Variants in PCDH11X observed in about 807,000 individuals in gnomAD.
PCDH11X encodes protocadherin-11 X-linked.
In PCDH11X, 18 loss-of-function variants were observed where a neutral mutation model predicts 53.3. The ratio of observed to expected loss-of-function variants is 0.34; its 90% CI spans 0.23 to 0.50. The LOEUF (loss-of-function observed/expected upper bound fraction) is 0.50, where lower values mean the gene tolerates loss of function less well. Among genes scored for constraint, PCDH11X ranks in the 20% least tolerant of loss-of-function variants. The pLI, the probability that PCDH11X is intolerant of heterozygous loss-of-function variation, is 0.98. For synonymous variants in PCDH11X, 279 were observed against 393.3 expected (o/e 0.71, Z 3.44); for missense variants, 570 against 1,032.4 (o/e 0.55, Z 6.14).
chrX:92,233,074 A>T (rs1017877621), intron 7 of PCDH11X, among the ~76,000 whole-genome samples: 7 of 110,895 alleles, frequency 6.3e-5, no homozygotes, highest in African/African-American at 2.3e-4. Flanking sequence ...ACCTGTCCTT[A>T]TCCATTGCTT....
chrX:92,566,612 T>C (rs1192189769), intron 10 of PCDH11X, among the ~76,000 whole-genome samples: 1 of 109,538 alleles, frequency 9.1e-6, no homozygotes, highest in African/African-American at 3.3e-5. Flanking sequence ...ATGATGAAAC[T>C]AATGCTTAAT....
intron 7 of PCDH11X, among the ~76,000 whole-genome samples, chrX:92,220,640 G>T (rs1603204739): frequency 9.0e-6 from 1 of 110,796 alleles, no homozygotes; most frequent in South Asian, 3.9e-4. Flanking sequence ...AGTCAGTGTG[G>T]CGATTCCTCA....
chrX:91,915,470 A>G (rs1941522251), intron 6 of PCDH11X, among the ~76,000 whole-genome samples: 2 of 110,957 alleles, frequency 1.8e-5, no homozygotes, highest in African/African-American at 6.6e-5. Context: ...GGACTCACAT[A>G]AACTTAAGGT....
At chrX:92,084,616 C>T (rs1189234820) in intron 6 of PCDH11X, among the ~76,000 whole-genome samples, 1 of 109,295 alleles carries the variant, frequency 9.1e-6, no homozygotes, top group Non-Finnish European at 1.9e-5. Flanking sequence ...AAATAATTTA[C>T]ACATAATATT....
chrX:92,192,399 G>A (rs1175436234), intron 6 of PCDH11X, among the ~76,000 whole-genome samples: 4 of 112,014 alleles, frequency 3.6e-5, no homozygotes, highest in African/African-American at 1.3e-4. Context: ...CTGCAGTGCA[G>A]TGGTGTGATC....
intron 6 of PCDH11X, among the ~76,000 whole-genome samples, chrX:91,950,699 A>G (rs1198390572): frequency 9.2e-6 from 1 of 108,145 alleles, no homozygotes; most frequent in East Asian, 2.9e-4. Flanking sequence ...GTGAATTGCA[A>G]AAGCACAAAA....
At chrX:92,463,202 A>G (rs2148658429) in intron 9 of PCDH11X, among the ~76,000 whole-genome samples, 1 of 111,202 alleles carries the variant, frequency 9.0e-6, no homozygotes, top group South Asian at 3.7e-4. Context: ...GCTAATTAGT[A>G]TTTTTCAATA....
intron 10 of PCDH11X, among the ~76,000 whole-genome samples, chrX:92,518,623 G>A (rs2148713628): frequency 9.0e-6 from 1 of 110,933 alleles, no homozygotes; most frequent in South Asian, 3.8e-4. Flanking sequence ...AGAATAATCA[G>A]GGCCTTCAGG....
chrX:91,854,591 T>A (rs771949437), intron 5 of PCDH11X, among the ~76,000 whole-genome samples: 1 of 112,418 alleles, frequency 8.9e-6, no homozygotes, highest in Non-Finnish European at 1.9e-5. Flanking sequence ...GTTCTCCAAG[T>A]GATTGTACTA....
At chrX:91,783,441 G>A (rs1734491124) in intron 1 of PCDH11X, among the ~76,000 whole-genome samples, 1 of 112,019 alleles carries the variant, frequency 8.9e-6, no homozygotes, top group Non-Finnish European at 1.9e-5. Flanking sequence ...AGGGATTGCA[G>A]GTTTCACATT....
intron 9 of PCDH11X, chrX:92,460,429 G>C: frequency 1.2e-6 from 1 of 828,218 alleles, no homozygotes; most frequent in Non-Finnish European, 1.8e-6. Context: ...GGCCCAATAT[G>C]ACGACCTGGC....
intron 7 of PCDH11X, among the ~76,000 whole-genome samples, chrX:92,207,834 C>T (rs1352718723): frequency 9.0e-6 from 1 of 111,404 alleles, no homozygotes; most frequent in Non-Finnish European, 1.9e-5. Flanking sequence ...TAAAGTGATA[C>T]AAGATAAATA....
chrX:92,151,483 C>T (rs1603059588), intron 6 of PCDH11X, among the ~76,000 whole-genome samples: 2 of 111,794 alleles, frequency 1.8e-5, no homozygotes, highest in African/African-American at 3.2e-5. Context: ...TGAGCCACCA[C>T]GCCCGGCCTA....
intron 8 of PCDH11X, among the ~76,000 whole-genome samples, chrX:92,274,612 C>A (rs924823118): frequency 9.0e-6 from 1 of 110,688 alleles, no homozygotes; most frequent in Non-Finnish European, 1.9e-5. Context: ...AGCAAATCCT[C>A]GAGCTTGATG....
chrX:92,559,050 A>G (rs1355899141), intron 10 of PCDH11X, among the ~76,000 whole-genome samples: 4 of 111,292 alleles, frequency 3.6e-5, no homozygotes, highest in Admixed American at 9.6e-5. Context: ...TTGGGCATGT[A>G]GTTGATTTTA....
intron 10 of PCDH11X, among the ~76,000 whole-genome samples, chrX:92,581,419 G>A (rs149368581): frequency 0.012 from 1,293 of 111,242 alleles, 20 homozygotes; most frequent in African/African-American, 0.04. Flanking sequence ...TCTCATGCTA[G>A]TGAATAAGTC....
At chrX:92,452,288 A>G (rs1239342896) in intron 9 of PCDH11X, among the ~76,000 whole-genome samples, 6 of 101,110 alleles carry the variant, frequency 5.9e-5, no homozygotes, top group Admixed American at 1.1e-4. Flanking sequence ...GCTCACTAAC[A>G]TCTACAGCAA....
intron 10 of PCDH11X, among the ~76,000 whole-genome samples, chrX:92,539,869 G>A (rs1430540814): frequency 9.0e-6 from 1 of 111,315 alleles, no homozygotes; most frequent in African/African-American, 3.3e-5. Flanking sequence ...TGGATTACCA[G>A]GAAGAGTCTC....
intron 7 of PCDH11X, among the ~76,000 whole-genome samples, chrX:92,235,090 A>G (rs539399821): frequency 8.1e-5 from 9 of 111,499 alleles, no homozygotes; most frequent in African/African-American, 2.9e-4. Context: ...TGCTTCAGAA[A>G]GAAGCTGCAG....
Sources: gnomAD v4.1 joint callset for allele counts (sites outside exome capture counted in the v4.1 genomes callset) on GRCh38, gnomAD v4.1.1 for gene constraint, MANE v1.5 for transcripts, NCBI Gene and HGNC (gene_info 2026-07-23, HGNC 2026-07-21) for gene names.